WWOX: variants seen among roughly 807,000 people sequenced by gnomAD.
WWOX encodes the protein WW domain-containing oxidoreductase.
WWOX carries 69 observed loss-of-function variants against 46.2 expected under a neutral mutation model. The observed-to-expected ratio is 1.49, with a 90% CI of 1.23 to 1.82. WWOX has a LOEUF of 1.82. Ranked by LOEUF, WWOX falls within the 40% of genes most tolerant of loss-of-function variation. WWOX has a pLI of 0.00. For synonymous variants in WWOX, 359 were observed against 202.6 expected (o/e 1.77, Z -6.56); for missense variants, 919 against 542.6 (o/e 1.69, Z -6.89).
intron 8 of WWOX, among the ~76,000 whole-genome samples, chr16:79,123,331 A>G (rs1187110425): frequency 6.6e-6 from 1 of 152,200 alleles, no homozygotes; most frequent in Non-Finnish European, 1.5e-5. Flanking sequence ...GATCAGGCCC[A>G]TAAAATACTG....
At position 78,531,794 on chromosome 16, in the gene WWOX, G is replaced by A. The variant is rs116751987; in HGVS notation, c.1056+99042G>A. On this transcript the variant is annotated intron_variant, in intron 8 of 8. Coordinates refer to ENST00000566780, the MANE Select transcript of WWOX (RefSeq NM_016373.4). Reference sequence around the variant, plus strand: ...AATCACTTGAACTCCAGAGGCAGAGGTTGTAGTGAGCCAAACTTGCACAAC... The same window carrying A: ...AATCACTTGAACTCCAGAGGCAGAGATTGTAGTGAGCCAAACTTGCACAAC... Among the ~76,000 whole-genome samples, 438 of 152,252 alleles carry A rather than the reference G, an allele frequency of 2.9e-3. 2 individuals are homozygous for A. The highest frequency in any genetic ancestry group is 0.01 in the African/African-American group (421 of 41,544).
chr16:79,152,813 C>T (rs912629596), intron 8 of WWOX, among the ~76,000 whole-genome samples: 29 of 152,116 alleles, frequency 1.9e-4, no homozygotes, highest in African/African-American at 6.8e-4. Flanking sequence ...GTCAGGTGGG[C>T]CAGCACTGGG....
chr16:78,954,038 A>G (rs2046115589), intron 8 of WWOX, among the ~76,000 whole-genome samples: 1 of 152,252 alleles, frequency 6.6e-6, no homozygotes, highest in African/African-American at 2.4e-5. Context: ...CTCCTCTTCC[A>G]TAGCAACACA....
At chr16:78,905,522 T>A (rs1386950256) in intron 8 of WWOX, among the ~76,000 whole-genome samples, 1 of 152,130 alleles carries the variant, frequency 6.6e-6, no homozygotes, top group Non-Finnish European at 1.5e-5. Context: ...GTGGAGACCA[T>A]AGGCATGTTC....
intron 7 of WWOX, among the ~76,000 whole-genome samples, chr16:78,429,916 TCTCATAAA>T (rs1475929786): frequency 6.6e-6 from 1 of 152,138 alleles, no homozygotes; most frequent in African/African-American, 2.4e-5. Context: ...TTGAATGGAC[TCTCATAAA>T]AAAGCCCACC....
intron 8 of WWOX, among the ~76,000 whole-genome samples, chr16:78,759,257 A>C (rs980279795): frequency 6.6e-6 from 1 of 152,198 alleles, no homozygotes; most frequent in African/African-American, 2.4e-5. Context: ...GATGTTTTGA[A>C]GGTGGGCATG....
At chr16:78,549,456 C>T (rs1364473179) in intron 8 of WWOX, among the ~76,000 whole-genome samples, 1 of 152,040 alleles carries the variant, frequency 6.6e-6, no homozygotes, top group East Asian at 1.9e-4. Context: ...TCAGGGTTTC[C>T]CATTCAGTCA....
At chr16:78,604,262 C>G (rs1283863669) in intron 8 of WWOX, among the ~76,000 whole-genome samples, 1 of 152,114 alleles carries the variant, frequency 6.6e-6, no homozygotes, top group African/African-American at 2.4e-5. Flanking sequence ...GGCACCCTTC[C>G]TTATTTTCTC....
rs543812897 is a variant in WWOX at position 79,206,982 on chromosome 16, G to A, written c.1057-4626G>A. ...CCAATGAGAGATTGAAGCTGTAATT[G>A]TTTGTGAGGAATGGCTGTATCCCAA... On this transcript the variant is annotated intron_variant, in intron 8 of 8. Coordinates refer to ENST00000566780, the MANE Select transcript of WWOX (RefSeq NM_016373.4). 2.6e-5 allele frequency among the ~76,000 whole-genome samples: 4 copies of A among 152,272 alleles called. No individual in the cohort carries two copies. The South Asian group carries it at 6.2e-4, about 24-fold the overall frequency.
At chr16:78,380,218 G>A (rs959473928) in intron 5 of WWOX, among the ~76,000 whole-genome samples, 1 of 152,110 alleles carries the variant, frequency 6.6e-6, no homozygotes, top group African/African-American at 2.4e-5. Flanking sequence ...GGCTTCTAAG[G>A]GGCAAGGAGG....
At chr16:79,011,670 T>C (rs1190982572) in intron 8 of WWOX, among the ~76,000 whole-genome samples, 2 of 151,822 alleles carry the variant, frequency 1.3e-5, no homozygotes, top group African/African-American at 4.8e-5. Context: ...TTTTTTTGCA[T>C]TTTTTAGAGA....
intron 8 of WWOX, among the ~76,000 whole-genome samples, chr16:79,081,688 C>G (rs1271994182): frequency 6.6e-6 from 1 of 152,078 alleles, no homozygotes; most frequent in African/African-American, 2.4e-5. Context: ...CTCAGAAACC[C>G]AAGACCAGGA....
chr16:78,769,742 C>T (rs1654289285), intron 8 of WWOX, among the ~76,000 whole-genome samples: 1 of 151,336 alleles, frequency 6.6e-6, no homozygotes, highest in South Asian at 2.1e-4. Flanking sequence ...GTGACTCATG[C>T]CTGTCTGTAA....
At chr16:79,170,379 C>A (rs1419546032) in intron 8 of WWOX, among the ~76,000 whole-genome samples, 1 of 152,190 alleles carries the variant, frequency 6.6e-6, no homozygotes, top group Non-Finnish European at 1.5e-5. Context: ...AGGTCTGACT[C>A]CAGAAGCACT....
chr16:78,464,112 A>G (rs1212227351), intron 8 of WWOX, among the ~76,000 whole-genome samples: 2 of 152,172 alleles, frequency 1.3e-5, no homozygotes, highest in Admixed American at 6.5e-5. Context: ...GCTCTGACCC[A>G]TTCATCTGAG....
chr16:79,070,308 T>TGTGTGTGTGTG (rs767765431), intron 8 of WWOX, among the ~76,000 whole-genome samples: 2 of 135,408 alleles, frequency 1.5e-5, no homozygotes, highest in African/African-American at 5.7e-5. Flanking sequence ...GTGTGTGTGT[T>TGTGTGTGTGTG]TTCCAGAAAC....
chr16:78,401,153 C>T lies in WWOX; in HGVS notation c.605+14205C>T, dbSNP rs553662727. On this transcript the variant is annotated intron_variant, in intron 6 of 8. Transcript: ENST00000566780. Reference sequence around the variant, plus strand: ...TTCTTTGAAGAGAATGATAGACCTTCCATAGGAAAAATGTTAAATATGTGT... The same window carrying T: ...TTCTTTGAAGAGAATGATAGACCTTTCATAGGAAAAATGTTAAATATGTGT... Among the ~76,000 whole-genome samples, 28 of 152,190 alleles carry T rather than the reference C, an allele frequency of 1.8e-4. No individual in the cohort carries two copies. In the South Asian group the frequency reaches 5.4e-3, roughly 29 times the overall value.
chr16:79,023,164 C>T (rs1261272362), intron 8 of WWOX, among the ~76,000 whole-genome samples: 1 of 152,172 alleles, frequency 6.6e-6, no homozygotes, highest in Non-Finnish European at 1.5e-5. Context: ...GATATATGCA[C>T]ACACTTGACC....
chr16:78,112,399 A>C (rs895197787), intron 3 of WWOX, among the ~76,000 whole-genome samples: 1 of 151,986 alleles, frequency 6.6e-6, no homozygotes, highest in African/African-American at 2.4e-5. Flanking sequence ...TAATGTAGTT[A>C]CAGTAACAAG....
Sources: gnomAD v4.1 joint callset for allele counts (sites outside exome capture counted in the v4.1 genomes callset) on GRCh38, gnomAD v4.1.1 for gene constraint, MANE v1.5 for transcripts, NCBI Gene and HGNC (gene_info 2026-07-23, HGNC 2026-07-21) for gene names.